Variants in OVCH1 observed in about 807,000 individuals in gnomAD.
OVCH1 encodes ovochymase-1.
A neutral mutation model predicts 138.4 loss-of-function variants in OVCH1; 139 were observed. The observed-to-expected ratio is 1.00, with a 90% confidence interval of 0.87 to 1.16. OVCH1 has a LOEUF of 1.16. Ranked by LOEUF, OVCH1 falls within the 50% of genes most tolerant of loss-of-function variation. The probability of loss-of-function intolerance (pLI) is 0.00; values close to 1 mark genes in which losing one functional copy is unlikely to be tolerated. For synonymous variants in OVCH1, 453 were observed against 467.8 expected (o/e 0.97, Z 0.41); for missense variants, 1,367 against 1,357.9 (o/e 1.01, Z -0.11).
At chr12:29,447,289 TAAAAC>T (rs1477989129) in intron 22 of OVCH1, among the ~76,000 whole-genome samples, 4 of 151,924 alleles carry the variant, frequency 2.6e-5, no homozygotes, top group African/African-American at 4.8e-5. Flanking sequence ...GACACAGTCT[TAAAAC>T]AAACAAACAA....
At chr12:29,473,565 CAT>C (rs1942589671) in intron 14 of OVCH1, among the ~76,000 whole-genome samples, 2 of 152,090 alleles carry the variant, frequency 1.3e-5, no homozygotes, top group South Asian at 4.1e-4. Context: ...CTAATATCTA[CAT>C]GTCTTAAATT....
rs1302516215 is a variant in OVCH1 at position 29,439,506 on chromosome 12, C to T, written c.3158-72G>A. ...AAAGCAAAAAACAAAAAACAAACTT[C>T]TCTACACCAACTAAAGGAAAAATCT... On this transcript the variant is annotated intron_variant, in intron 25 of 27. Transcript: ENST00000318184. 4 of 1,367,378 alleles carry T rather than the reference C, an allele frequency of 2.9e-6. No homozygotes were observed. In the African/African-American group the frequency reaches 6.0e-5, roughly 21 times the overall value. 84.7% of individuals were successfully genotyped at this position (1,367,378 alleles called of 1,614,324 possible).
chr12:29,488,343 G>A (rs1042917070), intron 6 of OVCH1, among the ~76,000 whole-genome samples: 7 of 151,894 alleles, frequency 4.6e-5, no homozygotes, highest in African/African-American at 1.7e-4. Context: ...CCTGGGCAGG[G>A]CACATGGTTC....
chr12:29,429,420 T>A (rs1239459398), intron 27 of OVCH1, among the ~76,000 whole-genome samples: 4 of 152,200 alleles, frequency 2.6e-5, no homozygotes, highest in Non-Finnish European at 4.4e-5. Context: ...AAGGATCTGA[T>A]GAGAAATCAC....
chr12:29,411,826 C>T (rs1463155271), downstream of OVCH1, among the ~76,000 whole-genome samples: 1 of 151,770 alleles, frequency 6.6e-6, no homozygotes, highest in African/African-American at 2.4e-5. Context: ...AACCACTGCT[C>T]TCTTCAAAGC....
intron 19 of OVCH1, among the ~76,000 whole-genome samples, chr12:29,457,349 AT>A (rs1941982752): frequency 2.1e-5 from 3 of 143,728 alleles, no homozygotes; most frequent in Non-Finnish European, 4.5e-5. Flanking sequence ...TGCCTATCAT[AT>A]GGTCCAGTCC....
intron 14 of OVCH1, among the ~76,000 whole-genome samples, chr12:29,474,123 C>T (rs557811307): frequency 6.8e-6 from 1 of 146,662 alleles, no homozygotes; most frequent in East Asian, 2.0e-4. Flanking sequence ...ATCTGTCCCT[C>T]TAAGAGAACC....
chr12:29,434,081 G>A (rs1941316157), intron 26 of OVCH1, among the ~76,000 whole-genome samples: 1 of 152,054 alleles, frequency 6.6e-6, no homozygotes, highest in Admixed American at 6.6e-5. Context: ...TGCTATTAGT[G>A]CCTTTGCTCA....
At chr12:29,420,332 C>T (rs1941084894) in intron 3 of OVCH1, among the ~76,000 whole-genome samples, 1 of 152,104 alleles carries the variant, frequency 6.6e-6, no homozygotes, top group South Asian at 2.1e-4. Flanking sequence ...AGGAAGGAGA[C>T]CCACCGTTTA....
chr12:29,430,989 G>A (rs1941257697), intron 27 of OVCH1: 2 of 468,440 alleles, frequency 4.3e-6, no homozygotes, highest in African/African-American at 2.0e-5. Flanking sequence ...GGCTATGATT[G>A]TATTTAATTT....
intron 8 of OVCH1, among the ~76,000 whole-genome samples, chr12:29,483,019 C>T (rs537448092): frequency 6.6e-6 from 1 of 152,318 alleles, no homozygotes; most frequent in Admixed American, 6.5e-5. Flanking sequence ...TCTTAGTTTT[C>T]AGCTCTGCAA....
At chr12:29,474,592 T>C (rs913854380) in intron 14 of OVCH1, among the ~76,000 whole-genome samples, 11 of 152,162 alleles carry the variant, frequency 7.2e-5, no homozygotes, top group Non-Finnish European at 1.5e-4. Flanking sequence ...TCAAAACATG[T>C]AGAGTTATTT....
At chr12:29,435,341 G>A (rs1941338478) in intron 26 of OVCH1, among the ~76,000 whole-genome samples, 1 of 152,164 alleles carries the variant, frequency 6.6e-6, no homozygotes, top group African/African-American at 2.4e-5. Context: ...CTTGAGCCTA[G>A]ACAACATAGC....
chr12:29,462,928 A>T (rs1249185871), intron 18 of OVCH1, among the ~76,000 whole-genome samples: 3 of 152,138 alleles, frequency 2.0e-5, no homozygotes, highest in Non-Finnish European at 4.4e-5. Flanking sequence ...TACTGACCAT[A>T]TCCCAGAAAT....
intron 3 of OVCH1, among the ~76,000 whole-genome samples, chr12:29,415,906 AG>A (rs1166556920): frequency 2.0e-5 from 3 of 152,184 alleles, no homozygotes; most frequent in Admixed American, 6.5e-5. Context: ...CCTACTATGT[AG>A]GTACAATAAT....
Position 29,455,432 on chromosome 12 carries a change from G to A in OVCH1, c.2281-27C>T, listed in dbSNP as rs753181205. 3.8e-6 allele frequency: 6 copies of A among 1,577,928 alleles called. No homozygotes were observed. The African/African-American group carries it at 8.2e-5, about 22-fold the overall frequency. On this transcript the variant is annotated intron_variant, in intron 19 of 27. Transcript: ENST00000318184. ...TGAAACACCAAGAAAACATGTTTTA[G>A]AAAACTGCTTTAATCTGAAGCTCCT...
At chr12:29,403,689 A>G in the OVCH1 span, among the ~76,000 whole-genome samples, 1 of 152,218 alleles carries the variant, frequency 6.6e-6, no homozygotes. Context: ...AGGTCAATTG[A>G]CGTGCCTGAT....
chr12:29,454,843 G>C, exon 21 of OVCH1: 2 of 1,604,276 alleles, frequency 1.2e-6, no homozygotes, highest in Non-Finnish European at 8.5e-7. Flanking sequence ...TTTATTACCT[G>C]GCCAAGATGC....
chr12:29,473,162 A>G, intron 14 of OVCH1, 59 bp from the exon 15 acceptor site: 1 of 1,218,996 alleles, frequency 8.2e-7, no homozygotes, highest in Admixed American at 2.0e-5. Context: ...AACTGACCCC[A>G]CTTGCTTACC....
Sources: allele counts gnomAD v4.1 joint callset (sites outside exome capture counted in the v4.1 genomes callset), GRCh38; gene constraint gnomAD v4.1.1; transcripts MANE v1.5; gene names NCBI Gene and HGNC (gene_info 2026-07-23, HGNC 2026-07-21).